The following RASAL2 variants were observed in gnomAD, a reference collection of about 807,000 sequenced individuals.
The protein encoded by RASAL2 is ras GTPase-activating protein nGAP.
In RASAL2, 58 loss-of-function variants were observed where a neutral mutation model predicts 128.9. The ratio of observed to expected loss-of-function variants is 0.45; its 90% CI spans 0.36 to 0.56. The LOEUF (loss-of-function observed/expected upper bound fraction) is 0.56. Among genes scored for constraint, RASAL2 ranks in the 20% least tolerant of loss-of-function variants. The probability of loss-of-function intolerance (pLI) is 0.00; values close to 1 mark genes in which losing one functional copy is unlikely to be tolerated. For missense variants in RASAL2, 1,360 were observed against 1,601.6 expected (o/e 0.85, Z 2.57); for synonymous variants, 561 against 580.8 (o/e 0.97, Z 0.49).
intron 10 of RASAL2, 25 bp downstream of exon 10, chr1:178,451,740 T>TA: frequency 6.2e-7 from 1 of 1,602,648 alleles, no homozygotes; most frequent in East Asian, 2.2e-5. Context: ...TCCTCTGCCT[T>TA]ACATTTTTTC....
chr1:178,283,484 G>T, intron 1 of RASAL2, 80 bp from the exon 2 acceptor site: 1 of 1,515,310 alleles, frequency 6.6e-7, no homozygotes, highest in East Asian at 2.3e-5. Context: ...ATTTGATTTG[G>T]AAGAATTTTA....
At chr1:178,402,809 T>C (rs1048833409) in intron 4 of RASAL2, among the ~76,000 whole-genome samples, 1 of 152,072 alleles carries the variant, frequency 6.6e-6, no homozygotes, top group Non-Finnish European at 1.5e-5. Context: ...CTTAGAGTCC[T>C]AGAAATGAGA....
chr1:178,118,858 T>G (rs1210099660), intron 1 of RASAL2, among the ~76,000 whole-genome samples: 2 of 182 alleles, frequency 0.011, no homozygotes, highest in African/African-American at 0.033. Context: ...TTGAGCAGGT[T>G]TTTTTTTTTT....
chr1:178,442,366 C>CT (rs1205279774), intron 7 of RASAL2, among the ~76,000 whole-genome samples: 1 of 151,996 alleles, frequency 6.6e-6, no homozygotes, highest in Non-Finnish European at 1.5e-5. Flanking sequence ...CAGCTTATCT[C>CT]TTTTATTTGC....
chr1:178,307,294 C>A (rs1668042174), intron 3 of RASAL2, among the ~76,000 whole-genome samples: 1 of 151,648 alleles, frequency 6.6e-6, no homozygotes, highest in Admixed American at 6.6e-5. Flanking sequence ...AAATTTTTTT[C>A]CACTGAAAAT....
At chr1:178,212,911 A>T (rs1002626237) in intron 1 of RASAL2, among the ~76,000 whole-genome samples, 3 of 152,250 alleles carry the variant, frequency 2.0e-5, no homozygotes, top group Admixed American at 6.5e-5. Flanking sequence ...AGACAATGAA[A>T]TGATTTTCTG....
At chr1:178,376,997 A>G (rs1392708253) in intron 3 of RASAL2, among the ~76,000 whole-genome samples, 1 of 152,114 alleles carries the variant, frequency 6.6e-6, no homozygotes, top group African/African-American at 2.4e-5. Context: ...GCGTTTTCCA[A>G]ATTCTAGAAT....
chr1:178,136,755 T>TC (rs1268513349), intron 1 of RASAL2, among the ~76,000 whole-genome samples: 2 of 22,642 alleles, frequency 8.8e-5, no homozygotes, highest in Non-Finnish European at 1.3e-4. Flanking sequence ...AGACTCTGTC[T>TC]CAAAAAAAAA....
At chr1:178,404,921 A>T (rs567127987) in intron 4 of RASAL2, among the ~76,000 whole-genome samples, 1 of 152,034 alleles carries the variant, frequency 6.6e-6, no homozygotes, top group African/African-American at 2.4e-5. Flanking sequence ...GGATCAATCA[A>T]TCCTCCTGCC....
At chr1:178,148,711 T>C (rs959945424) in intron 1 of RASAL2, among the ~76,000 whole-genome samples, 13 of 152,090 alleles carry the variant, frequency 8.5e-5, no homozygotes, top group South Asian at 2.1e-4. Context: ...CCCAAAGTGT[T>C]AGGATTACAG....
chr1:178,347,347 C>T (rs1296340823), intron 3 of RASAL2, among the ~76,000 whole-genome samples: 4 of 152,042 alleles, frequency 2.6e-5, no homozygotes, highest in Non-Finnish European at 2.9e-5. Flanking sequence ...ACCTGTGTGA[C>T]GGGAGAATAG....
intron 3 of RASAL2, among the ~76,000 whole-genome samples, chr1:178,302,631 G>C (rs1354867079): frequency 6.6e-6 from 1 of 152,106 alleles, no homozygotes; most frequent in Non-Finnish European, 1.5e-5. Flanking sequence ...CCACATACAC[G>C]TATACAAATT....
At chr1:178,456,591 C>G in intron 12 of RASAL2, 130 bp from the exon 13 acceptor site, 1 of 931,904 alleles carries the variant, frequency 1.1e-6, no homozygotes, top group Non-Finnish European at 1.7e-6. Context: ...CCTGCCACTC[C>G]CATATGCAAA....
chr1:178,395,771 G>A (rs1673175081), intron 4 of RASAL2, among the ~76,000 whole-genome samples: 3 of 133,024 alleles, frequency 2.3e-5, no homozygotes, highest in South Asian at 2.2e-4. Context: ...TTAATGAACA[G>A]TATATATATA....
chr1:178,461,124 TTTC>T (rs1678166544), intron 14 of RASAL2, among the ~76,000 whole-genome samples: 1 of 152,188 alleles, frequency 6.6e-6, no homozygotes, highest in Non-Finnish European at 1.5e-5. Flanking sequence ...TAGTTTTTTA[TTTC>T]TTATCTGTTT....
In RASAL2 at chr1:178,456,842, A is replaced by G; in HGVS notation, c.2333A>G (p.Asn778Ser). 3 of 1,614,128 alleles carry G rather than the reference A, an allele frequency of 1.9e-6. No homozygotes were observed. The highest frequency in any genetic ancestry group is 1.1e-5 in the South Asian group (1 of 91,080). Residue 778 changes from asparagine to serine, a missense_variant, in exon 13 of 18, where the codon AAT becomes AGT. Around this residue, in one of 3 missense-constraint regions of RASAL2, gnomAD observed 741 missense variants for 868.6 expected, o/e 0.85. Coordinates refer to ENST00000367649, the MANE Select transcript of RASAL2 (RefSeq NM_170692.4). ...TTCACTGAACATAACTCCAGTCCAA[A>G]TGTCAGTGGAAGCCTCTCCTCTGGG... ...RRFTEHNSSP[N>S]VSGSLSSGLQ...
chr1:178,094,296 C>A lies in RASAL2; in HGVS notation c.-197C>A, dbSNP rs1427324525. On this transcript the variant is annotated 5_prime_UTR_variant, in exon 1 of 18. The change creates a new upstream start codon in the 5' untranslated region. Transcript: ENST00000367649. ...TCCCGGCCTGGGTCCCGCCCGCCGA[C>A]TGCAGGTGGGCTGCATCGCCCGAGC... 19 of 558,282 alleles carry A rather than the reference C, an allele frequency of 3.4e-5. No individual in the cohort carries two copies. Among genetic ancestry groups the A allele is most frequent in the Non-Finnish European group, 3.1e-6 (1 of 326,936 alleles). The allele number at this position is 558,282 out of a possible 1,614,324, so 34.6% of individuals were successfully genotyped here.
chr1:178,214,174 G>A (rs1187318112), intron 1 of RASAL2, among the ~76,000 whole-genome samples: 1 of 152,084 alleles, frequency 6.6e-6, no homozygotes, highest in African/African-American at 2.4e-5. Flanking sequence ...GGAGGCTGAA[G>A]CAAGTGGATC....
intron 2 of RASAL2, among the ~76,000 whole-genome samples, chr1:178,287,809 A>G (rs1052440242): frequency 6.6e-6 from 1 of 152,220 alleles, no homozygotes; most frequent in South Asian, 2.1e-4. Flanking sequence ...AATGATAACA[A>G]TGGACTTTGG....
Sources: allele counts gnomAD v4.1 joint callset (sites outside exome capture counted in the v4.1 genomes callset), GRCh38; gene constraint gnomAD v4.1.1; regional missense constraint gnomAD v4.1.1; transcripts MANE v1.5; gene names NCBI Gene and HGNC (gene_info 2026-07-23, HGNC 2026-07-21).